The following STMN4 variants were observed in gnomAD, a reference collection of about 807,000 sequenced individuals.
The protein encoded by STMN4 is stathmin-4.
STMN4 carries 12 observed loss-of-function variants against 29.1 expected under a neutral mutation model. The ratio of observed to expected loss-of-function variants is 0.41; its 90% CI spans 0.26 to 0.67. STMN4 has a LOEUF of 0.67. Ranked by LOEUF, STMN4 falls within the 30% of genes least tolerant of loss-of-function variation. STMN4 has a pLI of 0.30. For synonymous variants in STMN4, 114 were observed against 105.3 expected, an observed-to-expected ratio of 1.08 and a Z score of -0.51; for missense variants, 181 against 262.8, an observed-to-expected ratio of 0.69 and a Z score of 2.15.
intron 1 of STMN4, 101 bp from the exon 2 acceptor site, chr8:27,243,902 T>C: frequency 9.3e-7 from 1 of 1,075,212 alleles, no homozygotes; most frequent in Non-Finnish European, 1.4e-6. Flanking sequence ...CAGGGGTACC[T>C]CATTTGCTCT....
intron 3 of STMN4, 116 bp from the exon 4 acceptor site, chr8:27,241,873 C>A (rs1801485826): frequency 7.9e-7 from 1 of 1,273,070 alleles, no homozygotes. Flanking sequence ...GGTCCCCGAG[C>A]ACCCCTGGTG....
At chr8:27,244,670 G>C (rs1215173069) in intron 1 of STMN4, among the ~76,000 whole-genome samples, 2 of 152,182 alleles carry the variant, frequency 1.3e-5, no homozygotes, top group Non-Finnish European at 2.9e-5. Flanking sequence ...TCACGGCCAA[G>C]GGTCGGGGTG....
At chr8:27,236,956 C>A (rs1446688427) in intron 6 of STMN4, 51 bp from the exon 7 acceptor site, 3 of 1,569,240 alleles carry the variant, frequency 1.9e-6, no homozygotes, top group Non-Finnish European at 2.6e-6. Flanking sequence ...TGCCCGGGGA[C>A]AAAAAGGGAG....
chr8:27,242,087 G>A (rs1285684821), intron 3 of STMN4: 10 of 559,480 alleles, frequency 1.8e-5, no homozygotes, highest in African/African-American at 1.5e-4. Context: ...GTTCCCCACA[G>A]GTAGAATATC....
intron 6 of STMN4, 186 bp downstream of exon 6, chr8:27,239,785 C>G (rs1447382253): frequency 6.5e-7 from 1 of 1,530,420 alleles, no homozygotes; most frequent in South Asian, 1.2e-5. Flanking sequence ...AGTCTGGTTC[C>G]TATTTCTTGC....
intron 1 of STMN4, among the ~76,000 whole-genome samples, chr8:27,247,391 G>A (rs1268152025): frequency 6.6e-6 from 1 of 152,128 alleles, no homozygotes; most frequent in African/African-American, 2.4e-5. Context: ...GACATTCTGA[G>A]AAAGGACACA....
In STMN4 at chr8:27,243,673, A is replaced by T. The variant is rs769647044; in HGVS notation, c.13+38T>A. 10 of 1,601,610 alleles carry T rather than the reference A, an allele frequency of 6.2e-6. No individual in the cohort carries two copies. The South Asian group carries it at 9.9e-5, about 16-fold the overall frequency. The stretch of plus-strand genomic sequence containing the variant: ...TCCATGTTGGGTGAGGGCAGGGGGA[A>T]TAGCCTACGCCCCTTAACACATGGT... On this transcript the variant is annotated intron_variant, in intron 2 of 6. Transcript: ENST00000350889.
intron 1 of STMN4, among the ~76,000 whole-genome samples, chr8:27,256,985 C>G (rs1325387329): frequency 1.3e-5 from 2 of 152,142 alleles, no homozygotes; most frequent in Non-Finnish European, 2.9e-5. Context: ...CTGGGTGGAG[C>G]TGAGAATGCC....
chr8:27,241,431 G>A (rs933008253), intron 4 of STMN4, among the ~76,000 whole-genome samples, 169 bp from the exon 5 acceptor site: 1 of 152,172 alleles, frequency 6.6e-6, no homozygotes, highest in Non-Finnish European at 1.5e-5. Flanking sequence ...GCCTCTGACG[G>A]GGCTGAAGGA....
At chr8:27,252,636 A>G (rs1024140651) in intron 1 of STMN4, among the ~76,000 whole-genome samples, 11 of 152,218 alleles carry the variant, frequency 7.2e-5, no homozygotes, top group Non-Finnish European at 1.6e-4. Flanking sequence ...CAAATCTTAT[A>G]CACACTTAAT....
rs762622245 is a variant in STMN4, at chr8:27,242,437, G to A, written c.69C>T (p.Phe23=). 3 of 1,614,192 alleles carry A rather than the reference G, an allele frequency of 1.9e-6. No individual in the cohort carries two copies. The East Asian group carries it at 6.7e-5, about 36-fold the overall frequency. ...ACGACTTATTCAGGGGATCGGCCAGGAAGCAGGAGCAGAACAAGGACACCA... is the reference window on the plus strand; with the variant it reads ...ACGACTTATTCAGGGGATCGGCCAGAAAGCAGGAGCAGAACAAGGACACCA... ...LPLVSLFCSC[F]LADPLNKSSY... The change falls in exon 3 of 7, where the codon TTC becomes TTT. Residue 23 remains phenylalanine (F), a synonymous_variant. Coordinates refer to ENST00000350889, the MANE Select transcript of STMN4 (RefSeq NM_030795.4).
intron 1 of STMN4, among the ~76,000 whole-genome samples, chr8:27,244,663 C>A (rs572398435): frequency 1.3e-5 from 2 of 151,756 alleles, no homozygotes; most frequent in African/African-American, 4.8e-5. Flanking sequence ...GGGAACATCA[C>A]GGCCAAGGGT....
At chr8:27,251,293 T>C (rs1410601172) in intron 1 of STMN4, among the ~76,000 whole-genome samples, 1 of 123,466 alleles carries the variant, frequency 8.1e-6, no homozygotes, top group Non-Finnish European at 1.7e-5. Flanking sequence ...TACGTATATA[T>C]ATATACATAT....
intron 1 of STMN4, among the ~76,000 whole-genome samples, chr8:27,257,071 G>A (rs897852906): frequency 1.8e-4 from 27 of 152,144 alleles, no homozygotes; most frequent in African/African-American, 6.0e-4. Flanking sequence ...GCAGCAAAGC[G>A]GAGGGTTGGG....
chr8:27,240,049 T>C lies in STMN4; in HGVS notation c.513A>G (p.Lys171=). 6.2e-7 allele frequency: 1 copy of C among 1,614,174 alleles called. No individual in the cohort carries two copies. Among genetic ancestry groups the C allele is most frequent in the Non-Finnish European group, 8.5e-7 (1 of 1,180,032 alleles). Residue 171 remains lysine (K), a synonymous_variant, in exon 6 of 7, where the codon AAA becomes AAG. Coordinates refer to ENST00000350889, the MANE Select transcript of STMN4 (RefSeq NM_030795.4). ...NNNFIKMAKE[K]LAQKMESNKE... ...TGTTGGATTCCATCTTCTGGGCCAG[T>C]TTTTCCTTAGCCATCTTGATGAAGT... is the stretch of plus-strand genomic sequence containing the variant.
intron 6 of STMN4, among the ~76,000 whole-genome samples, 193 bp from the exon 7 acceptor site, chr8:27,237,098 G>T (rs79091127): frequency 0.071 from 10,786 of 152,270 alleles, 534 homozygotes; most frequent in East Asian, 0.21. Flanking sequence ...AAGCCTACTG[G>T]TGCTGCCCCA....
At chr8:27,241,806 G>A in intron 3 of STMN4, 49 bp from the exon 4 acceptor site, 1 of 1,608,878 alleles carries the variant, frequency 6.2e-7, no homozygotes, top group Non-Finnish European at 8.5e-7. Context: ...CTGTTCCTTG[G>A]TGCCAGACCA....
intron 1 of STMN4, among the ~76,000 whole-genome samples, chr8:27,256,119 G>A (rs1336144474): frequency 6.6e-6 from 1 of 152,172 alleles, no homozygotes; most frequent in Non-Finnish European, 1.5e-5. Context: ...AAAAAGACAA[G>A]TACTGTATGA....
In STMN4 at chr8:27,235,843, G is replaced by T; in HGVS notation, c.*1003C>A. On this transcript the variant is annotated 3_prime_UTR_variant, in exon 7 of 7. Transcript: ENST00000350889. ...TGAAGCAGATGGCAAGCCCTCACCAGACACTGAATCTGCTGGCACCTTGAT... is the reference window on the plus strand; with the variant it reads ...TGAAGCAGATGGCAAGCCCTCACCATACACTGAATCTGCTGGCACCTTGAT... 6.5e-6 allele frequency: 1 copy of T among 152,916 alleles called. No homozygotes were observed. Among genetic ancestry groups the T allele is most frequent in the South Asian group, 1.9e-4 (1 of 5,212 alleles). The allele number at this position is 152,916 out of a possible 1,614,324, so 9.5% of individuals were successfully genotyped here.
Sources: gnomAD v4.1 joint callset for allele counts (sites outside exome capture counted in the v4.1 genomes callset) on GRCh38, gnomAD v4.1.1 for gene constraint, MANE v1.5 for transcripts, NCBI Gene and HGNC (gene_info 2026-07-23, HGNC 2026-07-21) for gene names.